The following AFAP1 variants were observed in gnomAD, a reference collection of about 807,000 sequenced individuals.
AFAP1 encodes the protein actin filament associated protein 1, also known as actin filament-associated protein 1.
A neutral mutation model predicts 93.9 loss-of-function variants in AFAP1; 75 were observed. That is an observed-to-expected ratio of 0.80 (90% CI 0.66 to 0.97). The LOEUF is 0.97. Ranked by LOEUF, AFAP1 falls within the 50% of genes least tolerant of loss-of-function variation. The probability of loss-of-function intolerance (pLI) is 0.00; values close to 1 mark genes in which losing one functional copy is unlikely to be tolerated. For missense variants in AFAP1, 1,201 were observed against 1,050.8 expected, an observed-to-expected ratio of 1.14 and a Z score of -1.98; for synonymous variants, 517 against 430.7, an observed-to-expected ratio of 1.20 and a Z score of -2.48.
intron 1 of AFAP1, among the ~76,000 whole-genome samples, chr4:7,933,474 G>A (rs1455656372): frequency 3.3e-5 from 5 of 152,188 alleles, no homozygotes; most frequent in African/African-American, 1.2e-4. Context: ...TCAGGAGGCT[G>A]AGGCAGGAGA....
chr4:7,877,970 G>T (rs1407352560), intron 1 of AFAP1, among the ~76,000 whole-genome samples: 3 of 152,186 alleles, frequency 2.0e-5, no homozygotes, highest in Non-Finnish European at 4.4e-5. Flanking sequence ...GCCTGACTAC[G>T]TTCAACATAA....
chr4:7,837,943 G>C (rs1005033026), intron 6 of AFAP1, among the ~76,000 whole-genome samples: 1 of 152,194 alleles, frequency 6.6e-6, no homozygotes, highest in African/African-American at 2.4e-5. Flanking sequence ...GAGCCCAGGA[G>C]GCAGAGGTTG....
At chr4:7,775,097 T>C in intron 14 of AFAP1, 194 bp from the exon 15 acceptor site, 1 of 617,228 alleles carries the variant, frequency 1.6e-6, no homozygotes, top group Non-Finnish European at 2.7e-6. Flanking sequence ...GCTGTGATCC[T>C]GCCACTGTGC....
rs1277254647 is a variant in AFAP1, at chr4:7,809,644, A to T, written c.1024T>A (p.Ser342Thr). ...GTGGGAACATCTTCCTCAGCTGAGG[A>T]GGTCTGCTCGTCTGTGGACGGCTTT... ...KKKPSTDEQT[S>T]SAEEDVPTCG... The change falls in exon 9 of 18, where the codon TCC becomes ACC. Residue 342 changes from serine (S) to threonine (T), a missense_variant. By Grantham distance (58) the Ser-to-Thr change is moderately conservative (BLOSUM62 1). Transcript: ENST00000420658. The T allele has an allele frequency of 6.2e-7, 1 of 1,613,346 alleles. No individual in the cohort carries two copies. The highest frequency in any genetic ancestry group is 8.5e-7 in the Non-Finnish European group (1 of 1,179,788).
intron 5 of AFAP1, 55 bp from the exon 6 acceptor site, chr4:7,838,758 C>CT: frequency 6.3e-7 from 1 of 1,582,752 alleles, no homozygotes; most frequent in Non-Finnish European, 8.6e-7. Context: ...AACAGAAACA[C>CT]TGAGGAAGCT....
chr4:7,766,905 C>G (rs1038527862), intron 17 of AFAP1, among the ~76,000 whole-genome samples: 1 of 152,164 alleles, frequency 6.6e-6, no homozygotes, highest in Non-Finnish European at 1.5e-5. Flanking sequence ...TGCTCCTCAC[C>G]GAGAGTTGGA....
Position 7,800,542 on chromosome 4 carries a change from G to C in AFAP1, c.1166C>G (p.Ser389Cys), listed in dbSNP as rs771300727. The change falls in exon 10 of 18, where the codon TCT (serine) becomes TGT (cysteine). Residue 389 changes from serine (S) to cysteine (C), a missense_variant. Ser to Cys is a moderately radical substitution (Grantham distance 112). Transcript: ENST00000420658. ...DRTDLKTHIV[S>C]IPLRGCEVIP... ...CACCTCGCAGCCACGGAGCGGAATA[G>C]ACACAATATGGGTCTTCAGGTCGGT... 6 of 1,614,226 alleles carry C rather than the reference G, an allele frequency of 3.7e-6. No homozygotes were observed. Among genetic ancestry groups the C allele is most frequent in the Non-Finnish European group, 5.1e-6 (6 of 1,180,046 alleles).
intron 1 of AFAP1, among the ~76,000 whole-genome samples, chr4:7,907,350 T>C (rs935376757): frequency 3.3e-5 from 5 of 152,192 alleles, no homozygotes; most frequent in Admixed American, 2.6e-4. Context: ...GACTAACAAT[T>C]TCAAAATTCC....
chr4:7,884,955 T>C (rs1718061540), intron 1 of AFAP1, among the ~76,000 whole-genome samples: 1 of 152,148 alleles, frequency 6.6e-6, no homozygotes, highest in Non-Finnish European at 1.5e-5. Context: ...CCACCACACC[T>C]CTGTGCTTTA....
rs566355735 is a variant in AFAP1, at chr4:7,814,446, T to C, written c.904+1572A>G. Among the ~76,000 whole-genome samples the C allele has an allele frequency of 9.2e-5, 14 of 152,234 alleles. No individual in the cohort carries two copies. In the East Asian group the frequency reaches 2.1e-3, roughly 23 times the overall value. ...TTTACCCGAGGGAAATGAAAACATA[T>C]GTCCACGCAAAAACCTGTCTCTGAA... On this transcript the variant is annotated intron_variant, in intron 8 of 17. Coordinates refer to ENST00000420658, the MANE Select transcript of AFAP1 (RefSeq NM_001134647.2).
At chr4:7,773,060 AAAC>A (rs778914225) in intron 15 of AFAP1, 50 bp from the exon 16 acceptor site, 38 of 1,571,634 alleles carry the variant, frequency 2.4e-5, no homozygotes, top group Non-Finnish European at 3.3e-5. Context: ...CAGGTTCTCC[AAAC>A]AACAGAGAAG....
rs978918386 is a variant in AFAP1 at position 7,900,626 on chromosome 4, A to G, written c.-2-28546T>C. Among the ~76,000 whole-genome samples, 8 of 152,232 alleles carry G rather than the reference A, an allele frequency of 5.3e-5. 1 individual carries two copies. The East Asian group carries it at 1.5e-3, about 29-fold the overall frequency. ...AGGTTATAACCAAACTACCTCTAAC[A>G]ATCAACTTAAATACACCACACAATT... On this transcript the variant is annotated intron_variant, in intron 1 of 17. Transcript: ENST00000420658.
intron 1 of AFAP1, among the ~76,000 whole-genome samples, chr4:7,886,001 C>T (rs191023116): frequency 6.6e-6 from 1 of 152,144 alleles, no homozygotes; most frequent in Non-Finnish European, 1.5e-5. Context: ...GCAGACTCTT[C>T]CAATTATTTC....
intron 3 of AFAP1, among the ~76,000 whole-genome samples, chr4:7,856,162 A>C (rs1715037457): frequency 6.6e-6 from 1 of 152,196 alleles, no homozygotes; most frequent in Non-Finnish European, 1.5e-5. Flanking sequence ...TAAAAAAGCA[A>C]ATCACCTGGG....
Position 7,763,538 on chromosome 4 carries a change from TAACA to T in AFAP1, c.*223_*226del. ...CCTTTCCATCACTTTTTTTGTTTTT[TAACA>T]AAGTTGGGAACCAAAGTCTTACATC... On this transcript the variant is annotated 3_prime_UTR_variant, in exon 18 of 18. Transcript: ENST00000420658. 1 of 563,656 alleles carries T rather than the reference TAACA, an allele frequency of 1.8e-6. No individual in the cohort carries two copies. The allele number at this position is 563,656 out of a possible 1,614,324, so 34.9% of individuals were successfully genotyped here.
At chr4:7,845,863 T>C (rs1023618283) in intron 4 of AFAP1, among the ~76,000 whole-genome samples, 15 of 142,148 alleles carry the variant, frequency 1.1e-4, no homozygotes, top group Admixed American at 1.4e-4. Context: ...CTGCCAAAGC[T>C]CTGCTGGACG....
At chr4:7,881,604 G>A (rs772990041) in intron 1 of AFAP1, among the ~76,000 whole-genome samples, 6 of 152,062 alleles carry the variant, frequency 3.9e-5, no homozygotes, top group East Asian at 1.9e-4. Flanking sequence ...CTAAGATGGC[G>A]AAACTCCATC....
intron 1 of AFAP1, among the ~76,000 whole-genome samples, chr4:7,895,802 C>T (rs1718727240): frequency 6.6e-6 from 1 of 151,504 alleles, no homozygotes; most frequent in African/African-American, 2.4e-5. Context: ...AGCAAAAAGA[C>T]CACATTCACA....
At chr4:7,905,164 G>A (rs1719330613) in intron 1 of AFAP1, among the ~76,000 whole-genome samples, 1 of 152,176 alleles carries the variant, frequency 6.6e-6, no homozygotes, top group South Asian at 2.1e-4. Context: ...CCAGCTCAGA[G>A]ACTAAACAGA....
Sources: allele counts gnomAD v4.1 joint callset (sites outside exome capture counted in the v4.1 genomes callset), GRCh38; gene constraint gnomAD v4.1.1; transcripts MANE v1.5; gene names NCBI Gene and HGNC (gene_info 2026-07-23, HGNC 2026-07-21).